LIMCH1: variants seen among roughly 807,000 people sequenced by gnomAD.
LIMCH1 encodes the protein LIM and calponin homology domains-containing protein 1.
In LIMCH1, 113 loss-of-function variants were observed where a neutral mutation model predicts 176.5. That is an observed-to-expected ratio of 0.64 (90% CI 0.55 to 0.75). LIMCH1 has a LOEUF of 0.75. Among genes scored for constraint, LIMCH1 ranks in the 30% least tolerant of loss-of-function variants. LIMCH1 has a pLI of 0.00. For synonymous variants in LIMCH1, 619 were observed against 645.9 expected (o/e 0.96, Z 0.63); for missense variants, 1,674 against 1,814.9 (o/e 0.92, Z 1.41).
chr4:41,614,170 C>T (rs35320132), intron 5 of LIMCH1, among the ~76,000 whole-genome samples: 85,199 of 152,142 alleles, frequency 0.56, 28,932 homozygotes, highest in Non-Finnish European at 0.73. Context: ...CTTGTGATAC[C>T]TGACTGGTAT....
intron 1 of LIMCH1, among the ~76,000 whole-genome samples, chr4:41,369,286 C>T (rs1486139857): frequency 1.3e-5 from 2 of 152,162 alleles, no homozygotes; most frequent in Admixed American, 6.5e-5. Flanking sequence ...GTGCATCCTT[C>T]CCATATAAGG....
rs527272276 is a variant in LIMCH1, at chr4:41,369,651, G to T, written c.96+8715G>T. Among the ~76,000 whole-genome samples, 3 of 152,168 alleles carry T rather than the reference G, an allele frequency of 2.0e-5. No homozygotes were observed. In the East Asian group the frequency reaches 5.8e-4, roughly 29 times the overall value. On this transcript the variant is annotated intron_variant, in intron 1 of 26. Transcript: ENST00000313860. ...CAGTTTTTGCCTTTTTTTTAGAAAAGTTGCTGTATTTTACTATCACGAATT... is the reference window on the plus strand; with the variant it reads ...CAGTTTTTGCCTTTTTTTTAGAAAATTTGCTGTATTTTACTATCACGAATT...
intron 1 of LIMCH1, among the ~76,000 whole-genome samples, chr4:41,408,700 A>G (rs1034459829): frequency 2.6e-5 from 4 of 152,234 alleles, no homozygotes; most frequent in African/African-American, 9.6e-5. Context: ...CAAAAAGGGT[A>G]GTTGAATCAA....
chr4:41,371,828 G>A (rs1439025670), intron 1 of LIMCH1, among the ~76,000 whole-genome samples: 2 of 152,154 alleles, frequency 1.3e-5, no homozygotes, highest in East Asian at 1.9e-4. Context: ...TGTGGCACAG[G>A]CTCTGGCATT....
At chr4:41,522,539 A>G (rs2076225030) in intron 2 of LIMCH1, among the ~76,000 whole-genome samples, 2 of 152,212 alleles carry the variant, frequency 1.3e-5, no homozygotes, top group Admixed American at 1.3e-4. Flanking sequence ...TGACACTGTT[A>G]AAAACTACTA....
chr4:41,540,522 TGA>T (rs1474197331), intron 1 of LIMCH1, among the ~76,000 whole-genome samples: 1 of 152,186 alleles, frequency 6.6e-6, no homozygotes, highest in African/African-American at 2.4e-5. Flanking sequence ...GTGGATCACC[TGA>T]GATCAGGCGT....
Position 41,557,955 on chromosome 4 carries a change from A to T in LIMCH1, c.-241+19605A>T, listed in dbSNP as rs111628681. On this transcript the variant is annotated intron_variant, in intron 1 of 31. Coordinates refer to ENST00000503057, the MANE Select transcript of LIMCH1 (RefSeq NM_001330672.2). ...CATGCTCAACTCAATCTCCTCTGAA[A>T]CTTGATGTCCAACAGCTAGGTTTTA... Among the ~76,000 whole-genome samples the T allele has an allele frequency of 6.3e-3, 954 of 152,100 alleles. 6 individuals are homozygous for T. The highest frequency in any genetic ancestry group is 0.02 in the African/African-American group (809 of 41,468).
At chr4:41,596,775 A>C (rs2088911990) in intron 1 of LIMCH1, among the ~76,000 whole-genome samples, 1 of 152,160 alleles carries the variant, frequency 6.6e-6, no homozygotes, top group African/African-American at 2.4e-5. Context: ...TAACCGAAGG[A>C]GAAACTGGTG....
intron 1 of LIMCH1, among the ~76,000 whole-genome samples, chr4:41,435,963 TTTTG>T (rs2062037851): frequency 6.6e-6 from 1 of 152,212 alleles, no homozygotes; most frequent in Non-Finnish European, 1.5e-5. Context: ...CCCCTCCTTA[TTTTG>T]AAGACTTCAC....
intron 18 of LIMCH1, among the ~76,000 whole-genome samples, chr4:41,652,633 CAATT>C (rs1306489896): frequency 2.0e-5 from 3 of 152,134 alleles, no homozygotes; most frequent in Non-Finnish European, 4.4e-5. Flanking sequence ...TTTTCAGGGA[CAATT>C]AATAATTCTG....
At chr4:41,623,511 A>G (rs1294861732) in intron 7 of LIMCH1, among the ~76,000 whole-genome samples, 7 of 152,176 alleles carry the variant, frequency 4.6e-5, no homozygotes, top group African/African-American at 1.4e-4. Context: ...TAATTCGAGC[A>G]CTTTGGCAGG....
At chr4:41,519,328 T>C (rs1198445684) in intron 2 of LIMCH1, among the ~76,000 whole-genome samples, 1 of 152,194 alleles carries the variant, frequency 6.6e-6, no homozygotes, top group Non-Finnish European at 1.5e-5. Flanking sequence ...ACGCAATAAA[T>C]GCTTGTTGAG....
intron 2 of LIMCH1, among the ~76,000 whole-genome samples, chr4:41,495,768 G>A (rs995033547): frequency 6.6e-6 from 1 of 152,122 alleles, no homozygotes; most frequent in African/African-American, 2.4e-5. Flanking sequence ...CAAAGATTAT[G>A]CAGCACTGTA....
chr4:41,559,536 C>T (rs1181555432), intron 1 of LIMCH1, among the ~76,000 whole-genome samples: 1 of 152,098 alleles, frequency 6.6e-6, no homozygotes, highest in Non-Finnish European at 1.5e-5. Flanking sequence ...CTCCCGTTTT[C>T]TTCATCCTCT....
intron 1 of LIMCH1, among the ~76,000 whole-genome samples, chr4:41,539,803 T>G (rs1472472783): frequency 6.6e-6 from 1 of 152,224 alleles, no homozygotes; most frequent in Non-Finnish European, 1.5e-5. Context: ...CCTTTTCTAA[T>G]GGATTCAGCA....
chr4:41,394,651 T>G (rs1031424606), intron 1 of LIMCH1, among the ~76,000 whole-genome samples: 4 of 152,214 alleles, frequency 2.6e-5, no homozygotes, highest in Non-Finnish European at 1.5e-5. Flanking sequence ...TCAAGATTCC[T>G]TATTATGAGT....
chr4:41,434,562 G>T (rs2061897637), intron 1 of LIMCH1, among the ~76,000 whole-genome samples: 2 of 152,140 alleles, frequency 1.3e-5, no homozygotes, highest in Non-Finnish European at 2.9e-5. Flanking sequence ...TGTCACCCAG[G>T]CTGGAGTGCA....
At chr4:41,469,499 A>G (rs1371130702) in intron 1 of LIMCH1, among the ~76,000 whole-genome samples, 1 of 152,204 alleles carries the variant, frequency 6.6e-6, no homozygotes, top group Non-Finnish European at 1.5e-5. Context: ...GCTTGCAGCC[A>G]TAGGCATTCT....
At chr4:41,604,770 A>G (rs2090463179) in intron 3 of LIMCH1, among the ~76,000 whole-genome samples, 1 of 152,146 alleles carries the variant, frequency 6.6e-6, no homozygotes, top group African/African-American at 2.4e-5. Flanking sequence ...TTTATTTGTA[A>G]GCAATCAGTT....
Sources: gnomAD v4.1 joint callset for allele counts (sites outside exome capture counted in the v4.1 genomes callset) on GRCh38, gnomAD v4.1.1 for gene constraint, MANE v1.5 for transcripts, NCBI Gene and HGNC (gene_info 2026-07-23, HGNC 2026-07-21) for gene names.